The following TRAPPC13 variants were observed in gnomAD, a reference collection of about 807,000 sequenced individuals.
TRAPPC13 encodes REV7-interacting novel NHEJ regulator 1.
Under a neutral mutation model 54.0 loss-of-function variants are expected in TRAPPC13, and 39 were observed. The ratio of observed to expected loss-of-function variants is 0.72; its 90% CI spans 0.56 to 0.94. The LOEUF (loss-of-function observed/expected upper bound fraction) is 0.94. Ranked by LOEUF, TRAPPC13 falls within the 40% of genes least tolerant of loss-of-function variation. The pLI, the probability that TRAPPC13 is intolerant of heterozygous loss-of-function variation, is 0.00. For synonymous variants in TRAPPC13, 148 were observed against 167.7 expected (o/e 0.88, Z 0.91); for missense variants, 386 against 488.1 (o/e 0.79, Z 1.97).
In TRAPPC13 at chr5:65,658,420, T is replaced by C. The variant is rs1211994380; in HGVS notation, c.617T>C (p.Met206Thr). 2.5e-6 allele frequency: 4 copies of C among 1,596,734 alleles called. No individual in the cohort carries two copies. The highest frequency in any genetic ancestry group is 3.4e-6 in the Non-Finnish European group (4 of 1,170,160). ...ATTCAGAATATGACAACCTCACCTA[T>C]GTTTATGGAGAAGGTTTCACTGGAG... ...AQIQNMTTSPMFMEKVSLEPS... is the reference protein window; with the variant it reads ...AQIQNMTTSPTFMEKVSLEPS... Residue 206 changes from methionine to threonine, a missense_variant, in exon 9 of 13, where the codon ATG (methionine) becomes ACG (threonine). Coordinates refer to ENST00000399438, the MANE Select transcript of TRAPPC13 (RefSeq NM_024941.4).
chr5:65,632,103 G>A (rs1395699737), intron 1 of TRAPPC13, among the ~76,000 whole-genome samples: 4 of 152,010 alleles, frequency 2.6e-5, no homozygotes, highest in East Asian at 3.9e-4. Context: ...AAAATTAACC[G>A]GGCATGGTGG....
At chr5:65,655,794 A>G (rs1756630047) in intron 8 of TRAPPC13, 141 bp downstream of exon 8, 3 of 291,528 alleles carry the variant, frequency 1.0e-5, no homozygotes, top group Non-Finnish European at 2.0e-5. Flanking sequence ...GAAAGATTAT[A>G]TATAATTTTA....
At chr5:65,659,679 A>G (rs537182309) in intron 9 of TRAPPC13, among the ~76,000 whole-genome samples, 5 of 152,230 alleles carry the variant, frequency 3.3e-5, no homozygotes, top group East Asian at 1.9e-4. Context: ...AAAGTTGACA[A>G]TAATACAGAT....
At chr5:65,628,210 A>G (rs1031376661) in intron 1 of TRAPPC13, among the ~76,000 whole-genome samples, 2 of 152,168 alleles carry the variant, frequency 1.3e-5, no homozygotes, top group Admixed American at 1.3e-4. Context: ...CTGTGCTCTA[A>G]GAGAAAAAAA....
At chr5:65,635,811 G>T in intron 2 of TRAPPC13, 133 bp from the exon 3 acceptor site, 1 of 543,378 alleles carries the variant, frequency 1.8e-6, no homozygotes, top group South Asian at 3.4e-5. Flanking sequence ...TTAAAATCTA[G>T]AAGTTAGACT....
intron 1 of TRAPPC13, among the ~76,000 whole-genome samples, chr5:65,633,285 A>AT (rs1215403343): frequency 2.7e-3 from 389 of 146,220 alleles, no homozygotes; most frequent in East Asian, 8.9e-3. Context: ...ATTTGAAGGA[A>AT]TTTTTTTTTT....
rs548170357 is a variant in TRAPPC13 at position 65,661,116 on chromosome 5, C to T, written c.897+219C>T. ...CAAATGTTAATTTATCCTTAATACA[C>T]GTGTTCTTTATCACACAGAAATTAA... is the stretch of plus-strand genomic sequence containing the variant. On this transcript the variant is annotated intron_variant, in intron 10 of 12. Transcript: ENST00000399438. 2.9e-5 allele frequency: 12 copies of T among 413,880 alleles called. No homozygotes were observed. In the South Asian group the frequency reaches 2.9e-4, roughly 10 times the overall value. 25.6% of individuals were successfully genotyped at this position (413,880 alleles called of 1,614,324 possible). A position where few individuals can be genotyped will look rare whatever the true frequency, so the allele number is the denominator to read the frequency against.
chr5:65,656,112 G>A (rs991738631), intron 8 of TRAPPC13, among the ~76,000 whole-genome samples: 4 of 152,112 alleles, frequency 2.6e-5, no homozygotes, highest in Non-Finnish European at 4.4e-5. Context: ...CAGAAGAAAA[G>A]CAAATTTTCC....
intron 5 of TRAPPC13, among the ~76,000 whole-genome samples, chr5:65,647,832 C>G (rs1756272749): frequency 6.6e-6 from 1 of 152,040 alleles, no homozygotes; most frequent in Non-Finnish European, 1.5e-5. Context: ...TCTACTTTAC[C>G]ACTTTTGCTT....
At chr5:65,653,019 G>A (rs1340033260) in intron 7 of TRAPPC13, among the ~76,000 whole-genome samples, 2 of 150,614 alleles carry the variant, frequency 1.3e-5, no homozygotes, top group African/African-American at 4.9e-5. Flanking sequence ...TGAGTTTGGT[G>A]TAATGGCTTT....
chr5:65,661,104 A>G (rs1756836993), intron 10 of TRAPPC13: 1 of 467,026 alleles, frequency 2.1e-6, no homozygotes, highest in African/African-American at 2.0e-5. Flanking sequence ...ATGTTAATTT[A>G]TCCTTAATAC....
chr5:65,635,005 CTT>C (rs1412999415), intron 1 of TRAPPC13: 1 of 850,110 alleles, frequency 1.2e-6, no homozygotes, highest in Non-Finnish European at 1.4e-6. Flanking sequence ...TCCTAATACT[CTT>C]TAAGCTTTAA....
chr5:65,641,779 T>C (rs1363413578), intron 4 of TRAPPC13, among the ~76,000 whole-genome samples: 1 of 151,006 alleles, frequency 6.6e-6, no homozygotes, highest in Non-Finnish European at 1.5e-5. Context: ...TTAGATTACC[T>C]ATTCTTTGAA....
At chr5:65,628,279 G>T (rs986652972) in intron 1 of TRAPPC13, among the ~76,000 whole-genome samples, 1 of 152,116 alleles carries the variant, frequency 6.6e-6, no homozygotes, top group Admixed American at 6.5e-5. Context: ...TGGTATTGGG[G>T]TCTCCATACT....
chr5:65,664,023 C>CTATT (rs1756934707), intron 11 of TRAPPC13: 11 of 509,724 alleles, frequency 2.2e-5, no homozygotes, highest in Non-Finnish European at 3.1e-5. Flanking sequence ...GCAGATTAGT[C>CTATT]TGAGGCTATT....
chr5:65,628,820 T>G (rs1263528414), intron 1 of TRAPPC13, among the ~76,000 whole-genome samples: 1 of 150,394 alleles, frequency 6.6e-6, no homozygotes, highest in Admixed American at 6.6e-5. Context: ...CCAGACAGAT[T>G]AGAATTTTTT....
At chr5:65,654,424 G>A (rs527825657) in intron 7 of TRAPPC13, among the ~76,000 whole-genome samples, 1 of 152,084 alleles carries the variant, frequency 6.6e-6, no homozygotes, top group East Asian at 1.9e-4. Flanking sequence ...GTAATATTCT[G>A]AACTTTTGAA....
At chr5:65,631,954 G>A (rs1171736977) in intron 1 of TRAPPC13, among the ~76,000 whole-genome samples, 28 of 150,640 alleles carry the variant, frequency 1.9e-4, no homozygotes, top group Admixed American at 1.8e-3. Flanking sequence ...CCTTGAGACT[G>A]TATTTTCTCT....
At chr5:65,641,005 C>G (rs1283062652) in intron 4 of TRAPPC13, among the ~76,000 whole-genome samples, 2 of 151,786 alleles carry the variant, frequency 1.3e-5, no homozygotes, top group Non-Finnish European at 2.9e-5. Flanking sequence ...ATGATCATAG[C>G]TCACTATAAC....
Sources: allele counts gnomAD v4.1 joint callset (sites outside exome capture counted in the v4.1 genomes callset), GRCh38; gene constraint gnomAD v4.1.1; transcripts MANE v1.5; gene names NCBI Gene and HGNC (gene_info 2026-07-23, HGNC 2026-07-21).